Variants in TAF1B observed in about 807,000 individuals in gnomAD.
The protein encoded by TAF1B is TATA-box binding protein associated factor, RNA polymerase I subunit B.
Under a neutral mutation model 83.9 loss-of-function variants are expected in TAF1B, and 61 were observed. The observed-to-expected ratio is 0.73, with a 90% CI of 0.59 to 0.90. The LOEUF (loss-of-function observed/expected upper bound fraction) is 0.90, where lower values mean the gene tolerates loss of function less well. TAF1B is among the 40% of genes least tolerant of loss of function. The pLI, the probability that TAF1B is intolerant of heterozygous loss-of-function variation, is 0.00. For synonymous variants in TAF1B, 221 were observed against 224.6 expected, an observed-to-expected ratio of 0.98 and a Z score of 0.14; for missense variants, 625 against 677.0, an observed-to-expected ratio of 0.92 and a Z score of 0.85.
intron 5 of TAF1B, among the ~76,000 whole-genome samples, chr2:9,864,866 A>G (rs1331054531): frequency 1.3e-5 from 2 of 152,220 alleles, no homozygotes; most frequent in Non-Finnish European, 2.9e-5. Context: ...AGATGCAGAA[A>G]AGGCCTTTGA....
At chr2:9,895,813 CTTTTTTTTTT>C (rs34044860) in intron 8 of TAF1B, among the ~76,000 whole-genome samples, 1 of 112,480 alleles carries the variant, frequency 8.9e-6, no homozygotes, top group Non-Finnish European at 1.8e-5. Context: ...GCACTGCACT[CTTTTTTTTTT>C]TTTTTTTTTT....
At chr2:9,869,606 TGGCTCACA>T (rs1483286441) in intron 6 of TAF1B, among the ~76,000 whole-genome samples, 4 of 151,856 alleles carry the variant, frequency 2.6e-5, no homozygotes, top group Non-Finnish European at 5.9e-5. Context: ...CCGGGCGTAG[TGGCTCACA>T]CCTGTAATCT....
At chr2:9,863,317 C>T (rs2125142955) in intron 5 of TAF1B, among the ~76,000 whole-genome samples, 1 of 152,266 alleles carries the variant, frequency 6.6e-6, no homozygotes, top group East Asian at 1.9e-4. Context: ...ATAAAACAGA[C>T]TTTAAACCAA....
chr2:9,895,567 A>G (rs1435102899), intron 8 of TAF1B, among the ~76,000 whole-genome samples: 1 of 152,220 alleles, frequency 6.6e-6, no homozygotes, highest in African/African-American at 2.4e-5. Context: ...AAAGTCTAGC[A>G]GATTAAAAAT....
At chr2:9,844,914 ATCT>A (rs1463552789) in intron 1 of TAF1B, among the ~76,000 whole-genome samples, 1 of 152,156 alleles carries the variant, frequency 6.6e-6, no homozygotes, top group African/African-American at 2.4e-5. Context: ...CTTGTTTGTC[ATCT>A]TCTCACAGTA....
intron 9 of TAF1B, among the ~76,000 whole-genome samples, chr2:9,905,454 T>C (rs1665311992): frequency 6.6e-6 from 1 of 152,190 alleles, no homozygotes; most frequent in Admixed American, 6.5e-5. Context: ...CTTGGTAATA[T>C]ATCCAGTCCA....
At position 9,919,830 on chromosome 2, in the gene TAF1B, C is replaced by G. The variant is rs771245009; in HGVS notation, c.1565+10C>G. The G allele has an allele frequency of 2.5e-6, 4 of 1,607,990 alleles. No homozygotes were observed. Among genetic ancestry groups the G allele is most frequent in the South Asian group, 1.1e-5 (1 of 90,372 alleles). ...AGAAATTCTGCAGATGGTAATAATG[C>G]TTTTAGAAAAAGTCACATATAATTG... is the stretch of plus-strand genomic sequence containing the variant. On this transcript the variant is annotated intron_variant, in intron 14 of 14. Coordinates refer to ENST00000263663, the MANE Select transcript of TAF1B (RefSeq NM_005680.3).
intron 4 of TAF1B, among the ~76,000 whole-genome samples, chr2:9,852,359 AT>A (rs1663424695): frequency 6.6e-6 from 1 of 152,198 alleles, no homozygotes. Context: ...AAAGCCAGTT[AT>A]TTAGCAACAA....
At position 9,868,780 on chromosome 2, in the gene TAF1B, T is replaced by C. The variant is rs369881075; in HGVS notation, c.553+351T>C. 2.8e-5 allele frequency: 13 copies of C among 461,116 alleles called. No individual in the cohort carries two copies. The East Asian group carries it at 4.7e-4, about 17-fold the overall frequency. The allele number at this position is 461,116 out of a possible 1,614,324, so 28.6% of individuals were successfully genotyped here. On this transcript the variant is annotated intron_variant, in intron 6 of 14. Coordinates refer to ENST00000263663, the MANE Select transcript of TAF1B (RefSeq NM_005680.3). ...AGAAAAATGTTATTATGTAGCCATA[T>C]AGTAAAATAGACAAAGATGGTATGT...
chr2:9,882,548 T>C (rs537406814), intron 7 of TAF1B, among the ~76,000 whole-genome samples, 158 bp from the exon 8 acceptor site: 5 of 152,350 alleles, frequency 3.3e-5, no homozygotes, highest in African/African-American at 1.2e-4. Flanking sequence ...AAGAGAATAA[T>C]AGATATGATT....
At chr2:9,855,278 A>G (rs1309209473) in intron 5 of TAF1B, among the ~76,000 whole-genome samples, 1 of 152,230 alleles carries the variant, frequency 6.6e-6, no homozygotes, top group Non-Finnish European at 1.5e-5. Context: ...TACAGGCGTG[A>G]GCCACTGCGC....
At position 9,868,733 on chromosome 2, in the gene TAF1B, G is replaced by A. The variant is rs77281688; in HGVS notation, c.553+304G>A. The A allele has an allele frequency of 1.3e-3, 674 of 534,956 alleles. 5 individuals are homozygous for A. The highest frequency in any genetic ancestry group is 0.011 in the African/African-American group (594 of 52,552). The allele number at this position is 534,956 out of a possible 1,614,324, so 33.1% of individuals were successfully genotyped here. On this transcript the variant is annotated intron_variant, in intron 6 of 14. Coordinates refer to ENST00000263663, the MANE Select transcript of TAF1B (RefSeq NM_005680.3). ...AAAGATCTATATGTGTGGGCTCAGCGTCTTCAAAGAAAAGTTGTAGCAGAA... is the reference window on the plus strand; with the variant it reads ...AAAGATCTATATGTGTGGGCTCAGCATCTTCAAAGAAAAGTTGTAGCAGAA...
Position 9,856,238 on chromosome 2 carries a change from C to T in TAF1B, c.399+1817C>T, listed in dbSNP as rs139763835. Among the ~76,000 whole-genome samples, 36 of 150,118 alleles carry T rather than the reference C, an allele frequency of 2.4e-4. No individual in the cohort carries two copies. The East Asian group carries it at 6.1e-3, about 25-fold the overall frequency. ...AGAAGTTTAGAGTAGTCAAGTCGTA[C>T]GGGATAGTGATGGTTAAATGTTATC... On this transcript the variant is annotated intron_variant, in intron 5 of 14. Coordinates refer to ENST00000263663, the MANE Select transcript of TAF1B (RefSeq NM_005680.3).
chr2:9,915,842 T>C (rs897490231), intron 12 of TAF1B, among the ~76,000 whole-genome samples: 1 of 152,240 alleles, frequency 6.6e-6, no homozygotes, highest in African/African-American at 2.4e-5. Context: ...ACAAACCACA[T>C]GTTCTTCAAC....
At chr2:9,882,005 T>TTATG (rs1359010739) in intron 7 of TAF1B, among the ~76,000 whole-genome samples, 3 of 152,066 alleles carry the variant, frequency 2.0e-5, no homozygotes, top group African/African-American at 7.2e-5. Flanking sequence ...AAGGAGTGAT[T>TTATG]TATGAGTAGG....
In TAF1B at chr2:9,913,217, G is replaced by GA. The variant is rs1558264379; in HGVS notation, c.1245dup (p.Gln416ThrfsTer15). ...AAATTATGAAGAAAGCTTTTGATGA[G>GA]AAAAAACAAAAATGGGAAGAAGCAA... On this transcript the variant is annotated frameshift_variant, in exon 12 of 15. Transcript: ENST00000263663. LOFTEE classifies it high-confidence loss of function. 1.9e-6 allele frequency: 3 copies of GA among 1,612,570 alleles called. No homozygotes were observed. The highest frequency in any genetic ancestry group is 2.5e-6 in the Non-Finnish European group (3 of 1,179,520).
chr2:9,864,137 C>T (rs1002612453), intron 5 of TAF1B, among the ~76,000 whole-genome samples: 8 of 151,994 alleles, frequency 5.3e-5, no homozygotes, highest in Non-Finnish European at 1.2e-4. Context: ...AAAAACCCTT[C>T]GAAAAATCAG....
chr2:9,933,861 C>T lies in TAF1B; in HGVS notation c.1644C>T (p.Phe548=). ...SYQFILNLFS[F]LLRIKTSLLH... Reference sequence around the variant, plus strand: ...AGTTTATACTAAATCTCTTCTCCTTCCTGCTCAGAATAAAGACTTCCCTTC... The same window carrying T: ...AGTTTATACTAAATCTCTTCTCCTTTCTGCTCAGAATAAAGACTTCCCTTC... The change falls in exon 15 of 15, where the codon TTC becomes TTT. Residue 548 remains phenylalanine, a synonymous_variant. Transcript: ENST00000263663. The T allele has an allele frequency of 6.2e-7, 1 of 1,613,850 alleles. No homozygotes were observed. The highest frequency in any genetic ancestry group is 1.1e-5 in the South Asian group (1 of 91,072).
intron 8 of TAF1B, among the ~76,000 whole-genome samples, chr2:9,895,151 C>T (rs955516950): frequency 6.6e-6 from 1 of 152,206 alleles, no homozygotes; most frequent in Non-Finnish European, 1.5e-5. Context: ...CTATATTTCA[C>T]ATAAAGCAAT....
Sources: gnomAD v4.1 joint callset for allele counts (sites outside exome capture counted in the v4.1 genomes callset) on GRCh38, gnomAD v4.1.1 for gene constraint, MANE v1.5 for transcripts, NCBI Gene and HGNC (gene_info 2026-07-23, HGNC 2026-07-21) for gene names.